TRAK1: variants seen among roughly 807,000 people sequenced by gnomAD.
TRAK1 encodes the protein trafficking kinesin protein 1.
Under a neutral mutation model 92.1 loss-of-function variants are expected in TRAK1, and 33 were observed. That is an observed-to-expected ratio of 0.36 (90% confidence interval 0.27 to 0.48). TRAK1 has a LOEUF of 0.48. TRAK1 is among the 20% of genes least tolerant of loss of function. TRAK1 has a pLI of 0.99. For synonymous variants in TRAK1, 521 were observed against 517.3 expected (o/e 1.01, Z -0.10); for missense variants, 1,123 against 1,257.9 (o/e 0.89, Z 1.62).
intron 2 of TRAK1, among the ~76,000 whole-genome samples, chr3:42,170,829 T>C (rs1310610086): frequency 2.0e-5 from 3 of 151,282 alleles, no homozygotes; most frequent in Non-Finnish European, 4.4e-5. Flanking sequence ...AATATCTTTT[T>C]TTTTTTTTTT....
rs376885038 is a variant in TRAK1, at chr3:42,200,803, G to A, written c.1191-15G>A. The A allele has an allele frequency of 5.8e-5, 93 of 1,613,322 alleles. No homozygotes were observed. The highest frequency in any genetic ancestry group is 7.0e-5 in the Non-Finnish European group (82 of 1,179,422). ...CCGCATTTGCTCACTCACGGATGCC[G>A]TGCATTCTCCCTAGTCACCAGAAGC... On this transcript the variant is annotated splice_polypyrimidine_tract_variant and intron_variant, in intron 11 of 15. Coordinates refer to ENST00000327628, the MANE Select transcript of TRAK1 (RefSeq NM_001042646.3).
chr3:42,217,159 C>A, intron 14 of TRAK1: 1 of 739,600 alleles, frequency 1.4e-6, no homozygotes, highest in Non-Finnish European at 1.6e-6. Context: ...TAGGAATCAG[C>A]CCGTTGCTTC....
intron 14 of TRAK1, among the ~76,000 whole-genome samples, chr3:42,216,363 C>G (rs1012277627): frequency 1.3e-5 from 2 of 152,194 alleles, no homozygotes; most frequent in African/African-American, 4.8e-5. Context: ...CAGTCAGTCC[C>G]AGGCATCATG....
At chr3:42,029,842 A>T (rs1451079079) in intron 1 of TRAK1, among the ~76,000 whole-genome samples, 2 of 152,162 alleles carry the variant, frequency 1.3e-5, no homozygotes, top group African/African-American at 2.4e-5. Flanking sequence ...CGCCACTGCG[A>T]CTGGCCCTGA....
chr3:42,202,758 C>T lies in TRAK1; in HGVS notation c.1744+6C>T. The T allele has an allele frequency of 6.2e-7, 1 of 1,613,368 alleles. No individual in the cohort carries two copies. The highest frequency in any genetic ancestry group is 1.1e-5 in the South Asian group (1 of 91,046). On this transcript the variant is annotated splice_donor_region_variant and intron_variant, in intron 13 of 15. Transcript: ENST00000327628. The surrounding 1 kb of genome is among the most constrained non-coding windows in gnomAD (Gnocchi z 6.1). ...GATCGTGAAGCCGCTGGAAGGTGAT[C>T]ACGCGGGGCCTCGGCCCCTCTCTGT...
At chr3:42,041,490 AT>A (rs1702537767) in intron 1 of TRAK1, among the ~76,000 whole-genome samples, 1 of 151,844 alleles carries the variant, frequency 6.6e-6, no homozygotes, top group African/African-American at 2.4e-5. Flanking sequence ...GAATTTGTGT[AT>A]TTGTTCTAAT....
chr3:42,091,480 T>C lies in TRAK1; in HGVS notation c.11T>C (p.Val4Ala). 6.2e-7 allele frequency: 1 copy of C among 1,613,414 alleles called. No individual in the cohort carries two copies. Among genetic ancestry groups the C allele is most frequent in the Non-Finnish European group, 8.5e-7 (1 of 1,179,762 alleles). MALVFQFGQPVRAQ... is the reference protein window; with the variant it reads MALAFQFGQPVRAQ... Reference sequence around the variant, plus strand: ...AGTTTATGTCTGCACATGGCATTGGTTTTTCAATTCGGGCAGCCCGTCAGG... The same window carrying C: ...AGTTTATGTCTGCACATGGCATTGGCTTTTCAATTCGGGCAGCCCGTCAGG... Residue 4 changes from valine (V) to alanine (A), a missense_variant, in exon 1 of 16, where the codon GTT becomes GCT. This residue lies in a region of TRAK1 where 686 missense variants were observed against 747.6 expected (regional missense o/e 0.92). Transcript: ENST00000327628.
chr3:42,040,506 A>G (rs1702492028), intron 1 of TRAK1, among the ~76,000 whole-genome samples: 9 of 152,212 alleles, frequency 5.9e-5, no homozygotes, highest in Admixed American at 5.2e-4. Context: ...ATTGTTTTAC[A>G]TATGGATATC....
At chr3:42,135,913 T>A (rs1156738393) in intron 2 of TRAK1, among the ~76,000 whole-genome samples, 1 of 152,176 alleles carries the variant, frequency 6.6e-6, no homozygotes, top group Non-Finnish European at 1.5e-5. Context: ...AACGTGTGCT[T>A]GCCATCCTCA....
intron 7 of TRAK1, among the ~76,000 whole-genome samples, chr3:42,192,400 A>ACTGCATTTCGTCAAAATACTAAGTATT (rs1172368752): frequency 3.0e-5 from 4 of 131,302 alleles, no homozygotes; most frequent in Non-Finnish European, 4.7e-5. Flanking sequence ...TACTAAGTAT[A>ACTGCATTTCGTCAAAATACTAAGTATT]TTGCATTTCG....
At chr3:42,170,247 G>C (rs188251214) in intron 2 of TRAK1, among the ~76,000 whole-genome samples, 3 of 152,164 alleles carry the variant, frequency 2.0e-5, no homozygotes, top group Non-Finnish European at 4.4e-5. Flanking sequence ...ACCTTTAAAG[G>C]ACATCTATTT....
At chr3:42,147,747 G>A (rs1233219193) in intron 2 of TRAK1, among the ~76,000 whole-genome samples, 1 of 152,160 alleles carries the variant, frequency 6.6e-6, no homozygotes, top group Admixed American at 6.6e-5. Context: ...GGTCTGATGT[G>A]GTATCCTGCC....
intron 1 of TRAK1, among the ~76,000 whole-genome samples, chr3:42,025,185 A>C (rs1701868356): frequency 6.6e-6 from 1 of 152,202 alleles, no homozygotes; most frequent in Non-Finnish European, 1.5e-5. Context: ...TCCTCCTAGC[A>C]ATATGCCTTG....
At chr3:42,092,967 TTATGGA>T (rs1173125864) in intron 1 of TRAK1, among the ~76,000 whole-genome samples, 1 of 152,120 alleles carries the variant, frequency 6.6e-6, no homozygotes, top group Non-Finnish European at 1.5e-5. Context: ...AAATAAAACA[TTATGGA>T]ATTCTTACAC....
At chr3:42,161,914 G>T (rs887528089) in intron 2 of TRAK1, among the ~76,000 whole-genome samples, 1 of 152,172 alleles carries the variant, frequency 6.6e-6, no homozygotes, top group Non-Finnish European at 1.5e-5. Flanking sequence ...TGTAGAACTA[G>T]GGCTCCCCCA....
intron 1 of TRAK1, among the ~76,000 whole-genome samples, chr3:42,116,632 T>C (rs1709196275): frequency 6.6e-6 from 1 of 152,176 alleles, no homozygotes; most frequent in African/African-American, 2.4e-5. Flanking sequence ...TGTGAAGTCA[T>C]TAAAACATTG....
At chr3:42,055,427 T>C (rs1703161693) in intron 1 of TRAK1, among the ~76,000 whole-genome samples, 1 of 152,164 alleles carries the variant, frequency 6.6e-6, no homozygotes, top group African/African-American at 2.4e-5. Context: ...AATTCAATGG[T>C]TTTCAGTGTT....
At chr3:42,156,033 G>C (rs1031580935) in intron 2 of TRAK1, among the ~76,000 whole-genome samples, 3 of 152,150 alleles carry the variant, frequency 2.0e-5, no homozygotes, top group Non-Finnish European at 4.4e-5. Flanking sequence ...CCTGCTGTGG[G>C]TCCCAGTGTC....
intron 2 of TRAK1, among the ~76,000 whole-genome samples, chr3:42,175,172 A>G (rs921517887): frequency 6.6e-6 from 1 of 152,052 alleles, no homozygotes; most frequent in Non-Finnish European, 1.5e-5. Flanking sequence ...AAACACAGAG[A>G]CCACTTAGTT....
Sources: allele counts gnomAD v4.1 joint callset (sites outside exome capture counted in the v4.1 genomes callset), GRCh38; gene constraint gnomAD v4.1.1; regional missense constraint gnomAD v4.1.1; non-coding constraint Gnocchi (gnomAD v3.1); transcripts MANE v1.5; gene names NCBI Gene and HGNC (gene_info 2026-07-23, HGNC 2026-07-21).